Variants in NALCN observed in about 807,000 individuals in gnomAD.
The protein encoded by NALCN is sodium leak channel, non-selective.
A neutral mutation model predicts 225.3 loss-of-function variants in NALCN; 111 were observed. That is an observed-to-expected ratio of 0.49 (90% CI 0.42 to 0.58). The LOEUF (loss-of-function observed/expected upper bound fraction) is 0.58. Ranked by LOEUF, NALCN falls within the 20% of genes least tolerant of loss-of-function variation. The pLI is 0.00. For synonymous variants in NALCN, 764 were observed against 769.0 expected (o/e 0.99, Z 0.11); for missense variants, 1,378 against 2,202.4 (o/e 0.63, Z 7.49).
chr13:101,277,326 G>C (rs1191613592), intron 10 of NALCN, among the ~76,000 whole-genome samples: 1 of 152,026 alleles, frequency 6.6e-6, no homozygotes, highest in Non-Finnish European at 1.5e-5. Context: ...AAGAGAACTT[G>C]AGCCAGCTTC....
rs148393891 is a variant in NALCN at position 101,259,751 on chromosome 13, T to C, written c.1135-1177A>G. 6.6e-3 allele frequency among the ~76,000 whole-genome samples: 864 copies of C among 131,816 alleles called. 11 individuals carry two copies. Among genetic ancestry groups the C allele is most frequent in the African/African-American group, 0.018 (690 of 37,678 alleles). The allele number at this position is 131,816 out of a possible 152,430, so 86.5% of individuals were successfully genotyped here. On this transcript the variant is annotated intron_variant, in intron 10 of 43. Transcript: ENST00000251127. The stretch of plus-strand genomic sequence containing the variant: ...GTAAGTGTATATATATATATATATA[T>C]ACACACACACATAAATATATATATA...
intron 10 of NALCN, among the ~76,000 whole-genome samples, chr13:101,272,314 G>A (rs1289209605): frequency 6.6e-6 from 1 of 152,172 alleles, no homozygotes; most frequent in Non-Finnish European, 1.5e-5. Flanking sequence ...GTGAGCATTT[G>A]GGGGAAGTAT....
chr13:101,147,812 T>C (rs1195775928), intron 15 of NALCN, among the ~76,000 whole-genome samples: 1 of 152,088 alleles, frequency 6.6e-6, no homozygotes, highest in Non-Finnish European at 1.5e-5. Context: ...CATCCTTCAG[T>C]TGCTTGGAAA....
intron 9 of NALCN, among the ~76,000 whole-genome samples, chr13:101,288,746 T>A (rs2043434551): frequency 6.6e-6 from 1 of 152,236 alleles, no homozygotes; most frequent in Admixed American, 6.5e-5. Flanking sequence ...TGGATTATGA[T>A]TCATTTATAA....
At chr13:101,298,817 C>A (rs760586906) in intron 7 of NALCN, among the ~76,000 whole-genome samples, 1 of 152,176 alleles carries the variant, frequency 6.6e-6, no homozygotes, top group African/African-American at 2.4e-5. Context: ...TCCCTGCAAC[C>A]CCCAACCAAA....
At chr13:101,096,434 C>G (rs1337434269) in intron 27 of NALCN, among the ~76,000 whole-genome samples, 7 of 152,110 alleles carry the variant, frequency 4.6e-5, no homozygotes, top group Non-Finnish European at 8.8e-5. Flanking sequence ...ATGGAGGATC[C>G]TTGAAAATAT....
chr13:101,336,920 C>G (rs2139262508), intron 7 of NALCN, among the ~76,000 whole-genome samples: 1 of 152,282 alleles, frequency 6.6e-6, no homozygotes, highest in South Asian at 2.1e-4. Context: ...ACACACAAAA[C>G]TTACTAAAAT....
intron 7 of NALCN, among the ~76,000 whole-genome samples, chr13:101,322,974 A>G (rs2139200103): frequency 6.6e-6 from 1 of 152,218 alleles, no homozygotes; most frequent in South Asian, 2.1e-4. Context: ...TGGCCTCCCA[A>G]AGTGCTGGGA....
intron 10 of NALCN, among the ~76,000 whole-genome samples, chr13:101,272,142 G>A (rs532007715): frequency 6.6e-5 from 10 of 152,190 alleles, no homozygotes; most frequent in East Asian, 1.9e-4. Flanking sequence ...GTGTGTGTGC[G>A]TGTGAGCATG....
intron 11 of NALCN, 65 bp downstream of exon 11, chr13:101,258,378 A>C (rs2042308696): frequency 6.3e-7 from 1 of 1,598,772 alleles, no homozygotes; most frequent in Non-Finnish European, 8.5e-7. Context: ...TTGCATCTCT[A>C]AGAGGCACTG....
intron 10 of NALCN, among the ~76,000 whole-genome samples, chr13:101,279,182 T>A (rs138454390): frequency 1.3e-5 from 2 of 152,354 alleles, no homozygotes; most frequent in Admixed American, 6.5e-5. Context: ...TGTAGGATGA[T>A]ATGAAAACAT....
chr13:101,285,069 T>TA (rs77037929), intron 9 of NALCN, among the ~76,000 whole-genome samples: 15,657 of 152,152 alleles, frequency 0.1, 1,096 homozygotes, highest in African/African-American at 0.19. Context: ...TTGTCACCCT[T>TA]ATTTATGTCC....
chr13:101,086,891 T>C (rs922311096), intron 30 of NALCN, among the ~76,000 whole-genome samples: 1 of 152,140 alleles, frequency 6.6e-6, no homozygotes, highest in Admixed American at 6.5e-5. Context: ...ATAATCACAT[T>C]GCTAAACCAC....
At chr13:101,181,265 T>C (rs905988617) in intron 14 of NALCN, 4 of 518,546 alleles carry the variant, frequency 7.7e-6, no homozygotes, top group Non-Finnish European at 1.5e-5. Flanking sequence ...GGCAGAGGGT[T>C]TGGAGGCTGG....
intron 10 of NALCN, among the ~76,000 whole-genome samples, chr13:101,262,502 C>A (rs558379000): frequency 1.3e-5 from 2 of 152,158 alleles, no homozygotes; most frequent in African/African-American, 2.4e-5. Flanking sequence ...CAGGGACTAG[C>A]GCCACCACAC....
At chr13:101,294,228 T>C (rs530740884) in intron 7 of NALCN, among the ~76,000 whole-genome samples, 4 of 152,194 alleles carry the variant, frequency 2.6e-5, no homozygotes, top group African/African-American at 9.6e-5. Flanking sequence ...AAACATAGAG[T>C]TAGATAGAAG....
chr13:101,148,467 T>C (rs1173885205), intron 15 of NALCN, among the ~76,000 whole-genome samples: 2 of 152,198 alleles, frequency 1.3e-5, no homozygotes, highest in Non-Finnish European at 2.9e-5. Context: ...CTTAACTGGT[T>C]ACCTCTGCAA....
chr13:101,247,120 A>G (rs2041920009), intron 11 of NALCN, among the ~76,000 whole-genome samples: 1 of 152,190 alleles, frequency 6.6e-6, no homozygotes, highest in Non-Finnish European at 1.5e-5. Context: ...AGACTAAGGC[A>G]CCTTAGATAA....
chr13:101,273,807 C>A (rs560044496), intron 10 of NALCN, among the ~76,000 whole-genome samples: 10 of 150,672 alleles, frequency 6.6e-5, no homozygotes, highest in African/African-American at 2.4e-4. Context: ...ATGGCGTGAA[C>A]CCAGGAGGCG....
Sources: gnomAD v4.1 joint callset for allele counts (sites outside exome capture counted in the v4.1 genomes callset) on GRCh38, gnomAD v4.1.1 for gene constraint, MANE v1.5 for transcripts, NCBI Gene and HGNC (gene_info 2026-07-23, HGNC 2026-07-21) for gene names.